FAT1: variants seen among roughly 807,000 people sequenced by gnomAD.
The protein encoded by FAT1 is protocadherin Fat 1.
A neutral mutation model predicts 329.8 loss-of-function variants in FAT1; 171 were observed. The observed-to-expected ratio is 0.52, with a 90% CI of 0.46 to 0.59. The LOEUF is 0.59. FAT1 is among the 20% of genes least tolerant of loss of function. The pLI is 0.00. For missense variants in FAT1, 5,672 were observed against 5,774.4 expected, an observed-to-expected ratio of 0.98 and a Z score of 0.57; for synonymous variants, 2,233 against 2,228.6, an observed-to-expected ratio of 1.00 and a Z score of -0.06.
chr4:186,697,567 T>C (rs1178460766), intron 2 of FAT1, among the ~76,000 whole-genome samples: 1 of 152,232 alleles, frequency 6.6e-6, no homozygotes, highest in Middle Eastern at 3.2e-3. Context: ...TGACGGTTTC[T>C]CCTAAATCAT....
intron 1 of FAT1, among the ~76,000 whole-genome samples, chr4:186,717,056 C>A (rs1036144796): frequency 6.6e-6 from 1 of 151,940 alleles, no homozygotes; most frequent in African/African-American, 2.4e-5. Context: ...CATGAGCCAC[C>A]GCACCCAGCG....
At chr4:186,660,430 A>G (rs912866182) in intron 3 of FAT1, among the ~76,000 whole-genome samples, 1 of 152,224 alleles carries the variant, frequency 6.6e-6, no homozygotes, top group African/African-American at 2.4e-5. Flanking sequence ...ACTTTAGGTG[A>G]TCTGTGGAAT....
chr4:186,641,121 G>A (rs1358627016), intron 3 of FAT1, among the ~76,000 whole-genome samples: 2 of 152,200 alleles, frequency 1.3e-5, no homozygotes, highest in Admixed American at 6.5e-5. Context: ...AAAGGCTTGT[G>A]TTTTCACTTA....
chr4:186,669,769 T>C (rs1284911463), intron 2 of FAT1, among the ~76,000 whole-genome samples: 2 of 152,180 alleles, frequency 1.3e-5, no homozygotes, highest in Non-Finnish European at 2.9e-5. Flanking sequence ...TATGGAAGGA[T>C]TCATTAATGT....
chr4:186,693,485 C>T (rs1197371150), intron 2 of FAT1, among the ~76,000 whole-genome samples: 2 of 137,910 alleles, frequency 1.5e-5, no homozygotes, highest in African/African-American at 2.9e-5. Context: ...ACCATGTAAA[C>T]GGGTCCAGGA....
chr4:186,723,032 C>T (rs1297901703), intron 1 of FAT1, among the ~76,000 whole-genome samples: 1 of 152,232 alleles, frequency 6.6e-6, no homozygotes, highest in African/African-American at 2.4e-5. Context: ...AAAGCTGGCT[C>T]TCTAAAAGAA....
At chr4:186,705,039 G>T (rs1455474864) in intron 2 of FAT1, among the ~76,000 whole-genome samples, 2 of 149,488 alleles carry the variant, frequency 1.3e-5, no homozygotes. Flanking sequence ...CGACCTCCTG[G>T]ACTCAAGCCA....
chr4:186,609,841 A>G lies in FAT1; in HGVS notation c.10028T>C (p.Val3343Ala), dbSNP rs1461194015. The part of the protein sequence containing the change: ...PVFSQDTYTT[V>A]ISEDAVLEQS... ...CTCAAGAACGGCATCTTCACTGATG[A>G]CTGTCGTGTAGGTGTCTTGGCTGAA... Residue 3343 changes from valine to alanine, a missense_variant, in exon 15 of 27, where the codon GTC becomes GCC. Coordinates refer to ENST00000441802, the MANE Select transcript of FAT1 (RefSeq NM_005245.4). The G allele has an allele frequency of 6.2e-7, 1 of 1,613,864 alleles. No homozygotes were observed. The highest frequency in any genetic ancestry group is 1.7e-5 in the Admixed American group (1 of 60,026).
chr4:186,637,377 T>C (rs1248974002), intron 4 of FAT1, among the ~76,000 whole-genome samples: 1 of 152,198 alleles, frequency 6.6e-6, no homozygotes, highest in Non-Finnish European at 1.5e-5. Context: ...TTAAACTTCA[T>C]CAGTAAAATA....
At position 186,663,976 on chromosome 4, in the gene FAT1, T is replaced by C. The variant is rs185262203; in HGVS notation, c.3266-363A>G. Among the ~76,000 whole-genome samples the C allele has an allele frequency of 6.2e-4, 94 of 152,272 alleles. 1 individual carries two copies. In the Middle Eastern group the frequency reaches 0.01, roughly 17 times the overall value. Reference sequence around the variant, plus strand: ...GATCATCTAATGGCCCAACACTTCATTTTTCCATAGGTAAAGTTTATAGTT... The same window carrying C: ...GATCATCTAATGGCCCAACACTTCACTTTTCCATAGGTAAAGTTTATAGTT... On this transcript the variant is annotated intron_variant, in intron 2 of 26. Transcript: ENST00000441802.
chr4:186,666,019 C>T (rs1479641117), intron 2 of FAT1, among the ~76,000 whole-genome samples: 6 of 125,830 alleles, frequency 4.8e-5, no homozygotes, highest in African/African-American at 1.3e-4. Flanking sequence ...GGGAACATCA[C>T]ACACCGGGGC....
At chr4:186,641,202 A>G (rs951337356) in intron 3 of FAT1, among the ~76,000 whole-genome samples, 7 of 152,204 alleles carry the variant, frequency 4.6e-5, no homozygotes, top group Admixed American at 2.6e-4. Flanking sequence ...CAATTCAACG[A>G]AACAGTGTTC....
intron 24 of FAT1, 21 bp downstream of exon 24, chr4:186,597,661 A>C: frequency 6.3e-7 from 1 of 1,591,844 alleles, no homozygotes; most frequent in Non-Finnish European, 8.6e-7. Context: ...ATGAACCTAA[A>C]TTTTGAAAGA....
intron 1 of FAT1, among the ~76,000 whole-genome samples, chr4:186,717,011 C>T (rs1352328383): frequency 1.3e-5 from 2 of 152,138 alleles, no homozygotes; most frequent in Non-Finnish European, 2.9e-5. Context: ...AAGTCATCCA[C>T]CCACCTCAGC....
intron 9 of FAT1, among the ~76,000 whole-genome samples, chr4:186,625,120 T>C (rs1282205108): frequency 1.3e-5 from 2 of 152,202 alleles, no homozygotes; most frequent in Admixed American, 6.5e-5. Context: ...ACACCAACAA[T>C]CATATTTTAA....
intron 26 of FAT1, among the ~76,000 whole-genome samples, chr4:186,594,257 C>T (rs1011381369): frequency 5.3e-5 from 8 of 151,600 alleles, no homozygotes; most frequent in East Asian, 2.0e-4. Context: ...TTAGTAGAGA[C>T]GGGGTTTCAC....
chr4:186,698,399 A>G (rs1311447349), intron 2 of FAT1, among the ~76,000 whole-genome samples: 1 of 152,216 alleles, frequency 6.6e-6, no homozygotes, highest in Admixed American at 6.5e-5. Flanking sequence ...TATATACACC[A>G]AGCATTCAAA....
In FAT1 at chr4:186,663,687, C is replaced by T. The variant is rs58856975; in HGVS notation, c.3266-74G>A. The T allele has an allele frequency of 1.7e-3, 2,011 of 1,181,950 alleles. 29 individuals carry two copies. The African/African-American group carries it at 0.028, about 16-fold the overall frequency. 73.2% of individuals were successfully genotyped at this position (1,181,950 alleles called of 1,614,324 possible). A position where few individuals can be genotyped will look rare whatever the true frequency, so the allele number is the denominator to read the frequency against. ...TGCCAGCTTCAGAAAGTGTCAACAA[C>T]TACGGCTTACTGAGAGCTTTATATG... is the stretch of plus-strand genomic sequence containing the variant. On this transcript the variant is annotated intron_variant, in intron 2 of 26. Transcript: ENST00000441802.
At chr4:186,626,562 C>A (rs1740316266) in intron 9 of FAT1, among the ~76,000 whole-genome samples, 1 of 139,672 alleles carries the variant, frequency 7.2e-6, no homozygotes, top group Non-Finnish European at 1.5e-5. Flanking sequence ...AAGTGAGCTT[C>A]ACCAGCCCAC....
Sources: allele counts gnomAD v4.1 joint callset (sites outside exome capture counted in the v4.1 genomes callset), GRCh38; gene constraint gnomAD v4.1.1; transcripts MANE v1.5; gene names NCBI Gene and HGNC (gene_info 2026-07-23, HGNC 2026-07-21).